SPIDR: variants seen among roughly 807,000 people sequenced by gnomAD.
The protein encoded by SPIDR is scaffold protein involved in DNA repair, also known as DNA repair-scaffolding protein.
In SPIDR, 93 loss-of-function variants were observed where a neutral mutation model predicts 104.6. The observed-to-expected ratio is 0.89, with a 90% CI of 0.75 to 1.06. The LOEUF (loss-of-function observed/expected upper bound fraction) is 1.06, where lower values mean the gene tolerates loss of function less well. Among genes scored for constraint, SPIDR ranks in the 50% least tolerant of loss-of-function variants. The probability of loss-of-function intolerance (pLI) is 0.00; values close to 1 mark genes in which losing one functional copy is unlikely to be tolerated. For missense variants in SPIDR, 1,154 were observed against 1,111.2 expected (o/e 1.04, Z -0.55); for synonymous variants, 431 against 416.9 (o/e 1.03, Z -0.41).
intron 5 of SPIDR, among the ~76,000 whole-genome samples, chr8:47,330,402 C>A (rs1472659875): frequency 1.3e-5 from 2 of 152,088 alleles, no homozygotes; most frequent in Admixed American, 6.6e-5. Flanking sequence ...AGGGTTAATT[C>A]TTGGCGTTGT....
rs2035228953 is a variant in SPIDR at position 47,271,125 on chromosome 8, A to G, written c.34-8737A>G. Among the ~76,000 whole-genome samples, 5 of 152,112 alleles carry G rather than the reference A, an allele frequency of 3.3e-5. No individual in the cohort carries two copies. The South Asian group carries it at 8.3e-4, about 25-fold the overall frequency. On this transcript the variant is annotated intron_variant, in intron 1 of 19. Coordinates refer to ENST00000297423, the MANE Select transcript of SPIDR (RefSeq NM_001080394.4). ...TTGTATATGATGAGTTTTGTACATG[A>G]CGTATATTTTCTTTTGCTACTTTCA...
intron 11 of SPIDR, among the ~76,000 whole-genome samples, chr8:47,692,325 T>C (rs970261953): frequency 6.6e-6 from 1 of 152,010 alleles, no homozygotes. Flanking sequence ...AGCTCCGCAC[T>C]TTCTCTCCCC....
In SPIDR at chr8:47,636,938, C is replaced by G. The variant is rs944406802; in HGVS notation, c.1545-36863C>G. 2.6e-5 allele frequency among the ~76,000 whole-genome samples: 4 copies of G among 152,052 alleles called. No individual in the cohort carries two copies. In the East Asian group the frequency reaches 7.7e-4, roughly 29 times the overall value. On this transcript the variant is annotated intron_variant, in intron 10 of 19. Coordinates refer to ENST00000297423, the MANE Select transcript of SPIDR (RefSeq NM_001080394.4). ...TGTTCCTTCTGAGGGTATTGATTAC[C>G]AAATCTCAACCAGGAGCCTTGGCAG...
intron 7 of SPIDR, among the ~76,000 whole-genome samples, chr8:47,433,968 A>G (rs1434579554): frequency 2.0e-5 from 3 of 152,250 alleles, no homozygotes; most frequent in Admixed American, 2.0e-4. Flanking sequence ...AGTCAGTAAA[A>G]TAGGGCATAG....
chr8:47,327,240 ATCT>A (rs2047812792), intron 5 of SPIDR, among the ~76,000 whole-genome samples: 1 of 152,164 alleles, frequency 6.6e-6, no homozygotes, highest in Non-Finnish European at 1.5e-5. Flanking sequence ...TGATCTGAAT[ATCT>A]TCTTGGAAAA....
At chr8:47,512,380 A>T (rs974819731) in intron 8 of SPIDR, among the ~76,000 whole-genome samples, 6 of 152,048 alleles carry the variant, frequency 3.9e-5, no homozygotes, top group African/African-American at 1.4e-4. Flanking sequence ...ATCAGTTTTT[A>T]CTTGTTTTTC....
chr8:47,271,488 G>T (rs1278152187), intron 1 of SPIDR, among the ~76,000 whole-genome samples: 2 of 151,974 alleles, frequency 1.3e-5, no homozygotes, highest in Non-Finnish European at 2.9e-5. Flanking sequence ...GGCCAAATCT[G>T]CTGTTGAGCT....
chr8:47,345,456 G>A (rs559531373), intron 5 of SPIDR, among the ~76,000 whole-genome samples: 4 of 152,126 alleles, frequency 2.6e-5, no homozygotes, highest in East Asian at 1.9e-4. Context: ...GCTCTTTTTC[G>A]GTTCCATATG....
intron 7 of SPIDR, among the ~76,000 whole-genome samples, chr8:47,432,984 A>G (rs1017370969): frequency 9.2e-5 from 14 of 152,320 alleles, no homozygotes; most frequent in South Asian, 2.1e-4. Context: ...GTCTTAATGT[A>G]TTAAAAATTT....
intron 8 of SPIDR, chr8:47,511,501 C>A: frequency 1.3e-6 from 1 of 779,716 alleles, no homozygotes; most frequent in Non-Finnish European, 2.4e-6. Context: ...CACCTCCCTT[C>A]TGTGGATAGA....
intron 5 of SPIDR, among the ~76,000 whole-genome samples, chr8:47,313,844 A>G (rs1554587472): frequency 6.6e-6 from 1 of 152,246 alleles, no homozygotes; most frequent in African/African-American, 2.4e-5. Context: ...CCTTTAAAGT[A>G]CTGGGAAAAT....
At chr8:47,343,433 C>G (rs1700415232) in intron 5 of SPIDR, among the ~76,000 whole-genome samples, 1 of 152,136 alleles carries the variant, frequency 6.6e-6, no homozygotes, top group African/African-American at 2.4e-5. Context: ...AACAGGGTCA[C>G]TGTGCACTGG....
chr8:47,649,528 A>T (rs12678110), intron 10 of SPIDR, among the ~76,000 whole-genome samples: 1 of 151,984 alleles, frequency 6.6e-6, no homozygotes, highest in Non-Finnish European at 1.5e-5. Flanking sequence ...TTTGCTATAC[A>T]GGACATTACC....
rs1056673275 is a variant in SPIDR, at chr8:47,278,953, G to T, written c.34-909G>T. Among the ~76,000 whole-genome samples, 10 of 151,630 alleles carry T rather than the reference G, an allele frequency of 6.6e-5. No homozygotes were observed. The South Asian group carries it at 1.9e-3, about 29-fold the overall frequency. ...GCCCGGCTTGAAGTGCAGTGGTGCA[G>T]TCAGCTCACTGCAGCCTCAAACTCC... On this transcript the variant is annotated intron_variant, in intron 1 of 19. Coordinates refer to ENST00000297423, the MANE Select transcript of SPIDR (RefSeq NM_001080394.4).
At chr8:47,448,156 C>T (rs2154347043) in intron 8 of SPIDR, among the ~76,000 whole-genome samples, 1 of 152,044 alleles carries the variant, frequency 6.6e-6, no homozygotes, top group Non-Finnish European at 1.5e-5. Context: ...TTGTTATTTC[C>T]TTCCCAATAC....
At chr8:47,383,604 G>A (rs1452083276) in intron 5 of SPIDR, among the ~76,000 whole-genome samples, 1 of 152,118 alleles carries the variant, frequency 6.6e-6, no homozygotes, top group Non-Finnish European at 1.5e-5. Flanking sequence ...ATGAGTGTGG[G>A]TGAATTTGCC....
chr8:47,485,886 C>G (rs2077535194), intron 8 of SPIDR, among the ~76,000 whole-genome samples: 1 of 152,160 alleles, frequency 6.6e-6, no homozygotes, highest in South Asian at 2.1e-4. Context: ...TAGATACAGC[C>G]ACAAAGATGG....
chr8:47,595,965 T>C lies in SPIDR; in HGVS notation c.1252T>C (p.Phe418Leu). The C allele has an allele frequency of 6.2e-7, 1 of 1,613,754 alleles. No homozygotes were observed. The highest frequency in any genetic ancestry group is 8.5e-7 in the Non-Finnish European group (1 of 1,179,910). Reference protein sequence around the residue: ...PRRSISLAQMFVIKGLTNNSP... With the variant: ...PRRSISLAQMLVIKGLTNNSP... ...AAGAAGCATCTCTTTGGCCCAGATG[T>C]TTGTAATTAAGGGTCTAACAAATAA... The change falls in exon 9 of 20, where the codon TTT (phenylalanine) becomes CTT (leucine). Residue 418 changes from phenylalanine (F) to leucine (L), a missense_variant. Physicochemically the swap from Phe to Leu is conservative, Grantham distance 22 (BLOSUM62 0). Coordinates refer to ENST00000297423, the MANE Select transcript of SPIDR (RefSeq NM_001080394.4).
chr8:47,563,875 G>T (rs1351012725), intron 8 of SPIDR, among the ~76,000 whole-genome samples: 1 of 152,044 alleles, frequency 6.6e-6, no homozygotes, highest in Non-Finnish European at 1.5e-5. Context: ...TAAGAGAGAG[G>T]AAATGTCTAT....
Sources: allele counts gnomAD v4.1 joint callset (sites outside exome capture counted in the v4.1 genomes callset), GRCh38; gene constraint gnomAD v4.1.1; transcripts MANE v1.5; gene names NCBI Gene and HGNC (gene_info 2026-07-23, HGNC 2026-07-21).